The following IGSF10 variants were observed in gnomAD, a reference collection of about 807,000 sequenced individuals.
IGSF10 encodes immunoglobulin superfamily member 10, also known as calvaria mechanical force protein 608.
In IGSF10, 126 loss-of-function variants were observed where a neutral mutation model predicts 128.2. That is an observed-to-expected ratio of 0.98 (90% CI 0.85 to 1.14). The LOEUF (loss-of-function observed/expected upper bound fraction) is 1.14. IGSF10 is among the 50% of genes most tolerant of loss of function. The probability of loss-of-function intolerance (pLI) is 0.00; values close to 1 mark genes in which losing one functional copy is unlikely to be tolerated. For synonymous variants in IGSF10, 1,185 were observed against 1,146.2 expected, an observed-to-expected ratio of 1.03 and a Z score of -0.68; for missense variants, 3,295 against 3,149.8, an observed-to-expected ratio of 1.05 and a Z score of -1.10.
chr3:151,529,141 C>T, the IGSF10 span, among the ~76,000 whole-genome samples: 1 of 152,166 alleles, frequency 6.6e-6, no homozygotes. Context: ...TGTGGCCAGA[C>T]TGCCTCTCTA....
chr3:151,445,686 A>G lies in IGSF10; in HGVS notation c.4295T>C (p.Leu1432Ser). The part of the protein sequence containing the change: ...EELAQASTQT[L>S]KSTIASETTL... Reference sequence around the variant, plus strand: ...TGTTTCAGAAGCAATTGTGCTCTTCAAAGTCTGAGTACTTGCTTGGGCTAG... The same window carrying G: ...TGTTTCAGAAGCAATTGTGCTCTTCGAAGTCTGAGTACTTGCTTGGGCTAG... Residue 1432 changes from leucine (L) to serine (S), a missense_variant, in exon 6 of 8, where the codon TTG (leucine) becomes TCG (serine). Leu to Ser is a moderately radical substitution (Grantham distance 145). Transcript: ENST00000282466. 6.2e-7 allele frequency: 1 copy of G among 1,614,218 alleles called. No individual in the cohort carries two copies. Among genetic ancestry groups the G allele is most frequent in the Non-Finnish European group, 8.5e-7 (1 of 1,180,042 alleles).
chr3:151,494,284 AAAC>A, the IGSF10 span, among the ~76,000 whole-genome samples: 3 of 115,822 alleles, frequency 2.6e-5, no homozygotes, highest in African/African-American at 1.1e-4. Context: ...AAAGAAGAAG[AAAC>A]AATGATTTTT....
At chr3:151,572,194 G>T in the IGSF10 span, among the ~76,000 whole-genome samples, 807 of 152,174 alleles carry the variant, frequency 5.3e-3, 8 homozygotes, top group African/African-American at 0.018. Context: ...TTTTTGTTGT[G>T]CCTCTGCCAG....
chr3:151,454,829 A>G (rs1292047826), intron 4 of IGSF10, among the ~76,000 whole-genome samples: 1 of 151,994 alleles, frequency 6.6e-6, no homozygotes, highest in Non-Finnish European at 1.5e-5. Flanking sequence ...TCCTGTCTCT[A>G]CTAAAAATAC....
chr3:151,511,233 A>G, the IGSF10 span, among the ~76,000 whole-genome samples: 1 of 152,226 alleles, frequency 6.6e-6, no homozygotes, highest in Non-Finnish European at 1.5e-5. Flanking sequence ...GGTTACCCAC[A>G]AAGGGAAGCC....
At chr3:151,512,351 C>A in the IGSF10 span, among the ~76,000 whole-genome samples, 1 of 152,148 alleles carries the variant, frequency 6.6e-6, no homozygotes, top group Admixed American at 6.5e-5. Context: ...ACCACCTGCT[C>A]CTGAATGACT....
chr3:151,559,906 G>A, the IGSF10 span, among the ~76,000 whole-genome samples: 4 of 152,086 alleles, frequency 2.6e-5, no homozygotes, highest in Non-Finnish European at 5.9e-5. Flanking sequence ...TCTGAAATAT[G>A]GGATTCCCCA....
At chr3:151,587,807 T>C in the IGSF10 span, among the ~76,000 whole-genome samples, 1 of 152,344 alleles carries the variant, frequency 6.6e-6, no homozygotes, top group South Asian at 2.1e-4. Context: ...TGAGATCTGA[T>C]GGTTTTAAGA....
the IGSF10 span, among the ~76,000 whole-genome samples, chr3:151,516,337 C>T: frequency 6.6e-6 from 1 of 152,018 alleles, no homozygotes. Context: ...TCACAAGACC[C>T]TTGTCTTTCA....
the IGSF10 span, among the ~76,000 whole-genome samples, chr3:151,544,252 G>A: frequency 2.6e-5 from 4 of 152,104 alleles, no homozygotes; most frequent in South Asian, 8.3e-4. Context: ...AAACACATCA[G>A]GACTGGGTTT....
intron 1 of IGSF10, among the ~76,000 whole-genome samples, 196 bp downstream of exon 1, chr3:151,460,750 G>C (rs1355438694): frequency 2.7e-5 from 4 of 147,132 alleles, no homozygotes; most frequent in Non-Finnish European, 6.0e-5. Context: ...TTTTTTGCCT[G>C]GCACCAGTCA....
chr3:151,432,952 AAAG>A (rs1719701187), downstream of IGSF10: 4 of 611,396 alleles, frequency 6.5e-6, no homozygotes, highest in East Asian at 6.0e-5. Context: ...AAAAAAAAAA[AAAG>A]GTGTTTAAAC....
At chr3:151,439,334 T>C (rs1008373440) in intron 7 of IGSF10, among the ~76,000 whole-genome samples, 1 of 152,248 alleles carries the variant, frequency 6.6e-6, no homozygotes, top group Non-Finnish European at 1.5e-5. Flanking sequence ...CTACTTTGGC[T>C]GGGCACAGTG....
chr3:151,455,361 C>T lies in IGSF10; in HGVS notation c.325-1587G>A, dbSNP rs1273917476. 4.0e-5 allele frequency among the ~76,000 whole-genome samples: 6 copies of T among 151,786 alleles called. No individual in the cohort carries two copies. The East Asian group carries it at 1.2e-3, about 30-fold the overall frequency. ...TCCCAACCTCAGGTGATCTGCCCCC[C>T]CTTGGCCTCCCAAAGTTCTGGGGTT... On this transcript the variant is annotated intron_variant, in intron 4 of 7. Coordinates refer to ENST00000282466, the MANE Select transcript of IGSF10 (RefSeq NM_178822.5).
At chr3:151,574,793 A>C in the IGSF10 span, among the ~76,000 whole-genome samples, 1 of 152,196 alleles carries the variant, frequency 6.6e-6, no homozygotes, top group Non-Finnish European at 1.5e-5. Context: ...TTGGAGGAGA[A>C]AAGGTGCTTG....
Position 151,436,957 on chromosome 3 carries a change from G to T in IGSF10, c.7604C>A (p.Pro2535His), listed in dbSNP as rs779486503. The T allele has an allele frequency of 1.2e-6, 2 of 1,614,216 alleles. No individual in the cohort carries two copies. The highest frequency in any genetic ancestry group is 1.7e-6 in the Non-Finnish European group (2 of 1,180,036). Residue 2535 changes from proline to histidine, a missense_variant, in exon 8 of 8, where the codon CCC (proline) becomes CAC (histidine). Transcript: ENST00000282466. Reference protein sequence around the residue: ...AYPPRITNRPPRSIVTRTGAA... With the variant: ...AYPPRITNRPHRSIVTRTGAA... ...CCCTGTCCTGGTGACAATACTCCTG[G>T]GTGGACGATTTGTAATTCGGGGAGG...
the IGSF10 span, among the ~76,000 whole-genome samples, chr3:151,567,536 CT>C: frequency 6.6e-6 from 1 of 152,138 alleles, no homozygotes; most frequent in South Asian, 2.1e-4. Flanking sequence ...GAGGGATGGC[CT>C]CTCCCAGCAT....
the IGSF10 span, among the ~76,000 whole-genome samples, chr3:151,478,570 G>A: frequency 1.3e-5 from 2 of 152,148 alleles, no homozygotes; most frequent in African/African-American, 4.8e-5. Context: ...CTTAAAGGAC[G>A]CCTAACTAGA....
Position 151,437,830 on chromosome 3 carries a change from C to A in IGSF10, c.6731G>T (p.Arg2244Ile). Reference protein sequence around the residue: ...PPLINGLYTNRTVIKATAVRH... With the variant: ...PPLINGLYTNITVIKATAVRH... ...CACAGCTGTGGCTTTAATAACAGTTCTGTTTGTATACAGACCATTGATTAA... is the reference window on the plus strand; with the variant it reads ...CACAGCTGTGGCTTTAATAACAGTTATGTTTGTATACAGACCATTGATTAA... The change falls in exon 8 of 8, where the codon AGA (arginine) becomes ATA (isoleucine). Residue 2244 changes from arginine to isoleucine, a missense_variant. Transcript: ENST00000282466. The A allele has an allele frequency of 6.2e-7, 1 of 1,613,982 alleles. No homozygotes were observed. Among genetic ancestry groups the A allele is most frequent in the Non-Finnish European group, 8.5e-7 (1 of 1,180,010 alleles).
Sources: allele counts gnomAD v4.1 joint callset (sites outside exome capture counted in the v4.1 genomes callset), GRCh38; gene constraint gnomAD v4.1.1; transcripts MANE v1.5; gene names NCBI Gene and HGNC (gene_info 2026-07-23, HGNC 2026-07-21).